RBFOX1: variants seen among roughly 807,000 people sequenced by gnomAD.
RBFOX1 encodes RNA binding fox-1 homolog 1.
In RBFOX1, 8 loss-of-function variants were observed where a neutral mutation model predicts 57.7. The ratio of observed to expected loss-of-function variants is 0.14; its 90% CI spans 0.08 to 0.25. The LOEUF (loss-of-function observed/expected upper bound fraction) is 0.25. Among genes scored for constraint, RBFOX1 ranks in the 10% least tolerant of loss-of-function variants. RBFOX1 has a pLI of 1.00. For missense variants in RBFOX1, 611 were observed against 548.5 expected, an observed-to-expected ratio of 1.11 and a Z score of -1.14; for synonymous variants, 326 against 222.4, an observed-to-expected ratio of 1.47 and a Z score of -4.15.
chr16:7,196,033 C>G (rs946468947), intron 4 of RBFOX1, among the ~76,000 whole-genome samples: 3 of 151,894 alleles, frequency 2.0e-5, no homozygotes, highest in African/African-American at 7.3e-5. Flanking sequence ...ATGTGAGTAT[C>G]ATATTTCCCA....
chr16:6,478,429 A>ATATATATATATTTTTT (rs1159954387), intron 2 of RBFOX1, among the ~76,000 whole-genome samples: 5 of 24,630 alleles, frequency 2.0e-4, no homozygotes, highest in Non-Finnish European at 3.9e-4. Flanking sequence ...ATATATATAT[A>ATATATATATATTTTTT]TTTTTTTTTT....
chr16:5,940,093 C>A (rs1316118391), intron 4 of RBFOX1, among the ~76,000 whole-genome samples: 2 of 152,132 alleles, frequency 1.3e-5, no homozygotes, highest in African/African-American at 4.8e-5. Context: ...CCATCTTCTG[C>A]CCTGAAGGCT....
chr16:7,393,947 A>G (rs1342674357), intron 4 of RBFOX1, among the ~76,000 whole-genome samples: 2 of 152,030 alleles, frequency 1.3e-5, no homozygotes, highest in African/African-American at 4.8e-5. Flanking sequence ...TTAAGGAGTC[A>G]TAGAATGGCC....
At chr16:6,787,551 G>A (rs1432553296) in intron 3 of RBFOX1, among the ~76,000 whole-genome samples, 1 of 152,116 alleles carries the variant, frequency 6.6e-6, no homozygotes, top group African/African-American at 2.4e-5. Context: ...ATTAATTTGT[G>A]CCAATTCCAG....
chr16:5,583,221 C>T (rs2046731215), intron 2 of RBFOX1, among the ~76,000 whole-genome samples: 1 of 152,252 alleles, frequency 6.6e-6, no homozygotes, highest in Non-Finnish European at 1.5e-5. Context: ...TGTTATTTAA[C>T]TGTTGTTAAA....
intron 4 of RBFOX1, among the ~76,000 whole-genome samples, chr16:5,977,320 G>A (rs2060085250): frequency 6.6e-6 from 1 of 152,090 alleles, no homozygotes; most frequent in South Asian, 2.1e-4. Context: ...GCCTTCCTGG[G>A]CTTTCACAGG....
intron 2 of RBFOX1, among the ~76,000 whole-genome samples, chr16:6,528,998 TC>T (rs1455574493): frequency 6.6e-6 from 1 of 152,174 alleles, no homozygotes; most frequent in Non-Finnish European, 1.5e-5. Context: ...CAATTAATCC[TC>T]CTTGGCAGGT....
chr16:6,291,072 T>A (rs977640850), intron 1 of RBFOX1, among the ~76,000 whole-genome samples: 2 of 152,152 alleles, frequency 1.3e-5, no homozygotes, highest in African/African-American at 4.8e-5. Flanking sequence ...TGCCATGGCA[T>A]CTGTAAACTG....
chr16:5,882,200 C>G (rs1860311), intron 4 of RBFOX1, among the ~76,000 whole-genome samples: 58,562 of 151,974 alleles, frequency 0.39, 11,577 homozygotes, highest in African/African-American at 0.47. Flanking sequence ...GCCTTGTTTT[C>G]CACTTTGTTT....
At chr16:5,985,501 A>G (rs1567222519) in intron 4 of RBFOX1, among the ~76,000 whole-genome samples, 1 of 152,176 alleles carries the variant, frequency 6.6e-6, no homozygotes, top group Non-Finnish European at 1.5e-5. Context: ...AGAAGCTGGT[A>G]TTAGGTTGGT....
chr16:6,793,733 A>C (rs968798989), intron 3 of RBFOX1, among the ~76,000 whole-genome samples: 4 of 152,212 alleles, frequency 2.6e-5, no homozygotes, highest in Non-Finnish European at 4.4e-5. Flanking sequence ...ATATTAAATT[A>C]AAATAACACA....
intron 4 of RBFOX1, among the ~76,000 whole-genome samples, chr16:7,287,100 G>C (rs962293178): frequency 2.6e-5 from 4 of 152,206 alleles, no homozygotes; most frequent in African/African-American, 9.6e-5. Flanking sequence ...TGGTCCCAGA[G>C]TGTGACATAA....
chr16:5,975,564 C>A (rs2060045592), intron 4 of RBFOX1, among the ~76,000 whole-genome samples: 2 of 152,158 alleles, frequency 1.3e-5, no homozygotes, highest in South Asian at 4.1e-4. Context: ...ACAGGCACTG[C>A]TGTTTGTTTT....
intron 2 of RBFOX1, among the ~76,000 whole-genome samples, chr16:5,560,335 C>T (rs961890251): frequency 6.7e-6 from 1 of 150,262 alleles, no homozygotes; most frequent in Non-Finnish European, 1.5e-5. Flanking sequence ...ACTTAGTCAC[C>T]TCCTCTAGGA....
At chr16:7,509,426 G>GTGTGTCTGTGTC (rs1555531506) in intron 4 of RBFOX1, among the ~76,000 whole-genome samples, 31 of 146,486 alleles carry the variant, frequency 2.1e-4, no homozygotes, top group African/African-American at 7.8e-4. Context: ...GTGTGTGTGT[G>GTGTGTCTGTGTC]TGTGTCTGTG....
At chr16:6,597,597 C>T (rs553646264) in intron 2 of RBFOX1, among the ~76,000 whole-genome samples, 15 of 152,128 alleles carry the variant, frequency 9.9e-5, no homozygotes, top group East Asian at 3.9e-4. Context: ...GGCGTGAACC[C>T]GGGAGGTGGA....
chr16:6,331,705 G>C (rs1040964204), intron 2 of RBFOX1, among the ~76,000 whole-genome samples: 1 of 151,642 alleles, frequency 6.6e-6, no homozygotes, highest in African/African-American at 2.4e-5. Flanking sequence ...TGGTGCATCA[G>C]AGAGTGCCAC....
chr16:5,974,164 G>T (rs942046162), intron 4 of RBFOX1, among the ~76,000 whole-genome samples: 1 of 152,162 alleles, frequency 6.6e-6, no homozygotes, highest in Admixed American at 6.5e-5. Flanking sequence ...TTCTACCTCG[G>T]ATGCACAGCA....
At chr16:5,317,990 G>C (rs1307807269) in intron 1 of RBFOX1, among the ~76,000 whole-genome samples, 1 of 152,180 alleles carries the variant, frequency 6.6e-6, no homozygotes, top group Non-Finnish European at 1.5e-5. Flanking sequence ...AAATGCTGCT[G>C]CTGAAGAGGC....
Sources: gnomAD v4.1 joint callset for allele counts (sites outside exome capture counted in the v4.1 genomes callset) on GRCh38, gnomAD v4.1.1 for gene constraint, MANE v1.5 for transcripts, NCBI Gene and HGNC (gene_info 2026-07-23, HGNC 2026-07-21) for gene names.